Variants in IFT81 observed in about 807,000 individuals in gnomAD.
IFT81 encodes intraflagellar transport protein 81 homolog.
Under a neutral mutation model 102.6 loss-of-function variants are expected in IFT81, and 72 were observed. That is an observed-to-expected ratio of 0.70 (90% confidence interval 0.58 to 0.85). The LOEUF (loss-of-function observed/expected upper bound fraction) is 0.85, where lower values mean the gene tolerates loss of function less well. IFT81 is among the 40% of genes least tolerant of loss of function. IFT81 has a pLI of 0.00. For synonymous variants in IFT81, 237 were observed against 242.7 expected (o/e 0.98, Z 0.22); for missense variants, 723 against 787.3 (o/e 0.92, Z 0.98).
At chr12:110,125,978 A>T (rs1334758378) in intron 1 of IFT81, among the ~76,000 whole-genome samples, 1 of 152,162 alleles carries the variant, frequency 6.6e-6, no homozygotes, top group Non-Finnish European at 1.5e-5. Flanking sequence ...ATGCGTACCT[A>T]AAGAACTAGC....
chr12:110,135,263 A>C, intron 6 of IFT81, 64 bp from the exon 7 acceptor site: 1 of 1,001,578 alleles, frequency 1.0e-6, no homozygotes, highest in Non-Finnish European at 1.5e-6. Flanking sequence ...TCTGAGTCAC[A>C]TGACATGCTA....
chr12:110,165,802 A>G (rs1302855540), intron 11 of IFT81, among the ~76,000 whole-genome samples: 1 of 152,232 alleles, frequency 6.6e-6, no homozygotes, highest in Non-Finnish European at 1.5e-5. Flanking sequence ...CTCTATCTGT[A>G]AAATGGGGCT....
intron 1 of IFT81, among the ~76,000 whole-genome samples, chr12:110,126,242 C>T (rs1285715886): frequency 4.0e-5 from 6 of 148,298 alleles, no homozygotes; most frequent in Non-Finnish European, 7.4e-5. Context: ...CGCGCCACTG[C>T]ACTCCAGCCT....
At chr12:110,141,375 T>G (rs1406775880) in intron 8 of IFT81, among the ~76,000 whole-genome samples, 2 of 152,132 alleles carry the variant, frequency 1.3e-5, no homozygotes, top group African/African-American at 4.8e-5. Context: ...CTTCTCTTCC[T>G]TTCTCTAATC....
At chr12:110,187,498 C>T (rs567533921) in intron 12 of IFT81, among the ~76,000 whole-genome samples, 167 of 152,290 alleles carry the variant, frequency 1.1e-3, no homozygotes, top group Admixed American at 2.5e-3. Flanking sequence ...CTCCTGACTT[C>T]AAGTGATCTG....
At chr12:110,216,590 T>C (rs1260120267) in intron 18 of IFT81, 1 of 453,040 alleles carries the variant, frequency 2.2e-6, no homozygotes, top group African/African-American at 2.0e-5. Flanking sequence ...CAATCTTGGC[T>C]CACTCTGCCT....
chr12:110,156,340 T>C (rs1377014850), intron 10 of IFT81, among the ~76,000 whole-genome samples: 1 of 151,808 alleles, frequency 6.6e-6, no homozygotes, highest in Non-Finnish European at 1.5e-5. Flanking sequence ...TTCTTTCTTA[T>C]ACAGCTTTGA....
chr12:110,174,295 A>T lies in IFT81; in HGVS notation c.1189-6127A>T, dbSNP rs962511016. Among the ~76,000 whole-genome samples, 195 of 148,134 alleles carry T rather than the reference A, an allele frequency of 1.3e-3. 1 individual carries two copies. The highest frequency in any genetic ancestry group is 2.7e-3 in the African/African-American group (108 of 39,468). ...TCCGTCTCAAAAAAAAAAAAAAAAA[A>T]AAAAAAAAAAAATTAGCCGGGTGTG... On this transcript the variant is annotated intron_variant, in intron 11 of 18. Transcript: ENST00000242591.
chr12:110,210,923 C>T (rs1021247729), intron 18 of IFT81, among the ~76,000 whole-genome samples: 2 of 150,986 alleles, frequency 1.3e-5, no homozygotes, highest in African/African-American at 4.8e-5. Flanking sequence ...GGCACGATCT[C>T]GGCTCACTGC....
intron 14 of IFT81, among the ~76,000 whole-genome samples, chr12:110,197,966 C>G (rs1306133790): frequency 6.6e-6 from 1 of 152,206 alleles, no homozygotes; most frequent in African/African-American, 2.4e-5. Context: ...CCCGCCTCAG[C>G]CTCCCAAAGT....
chr12:110,183,596 T>C (rs1897397285), intron 12 of IFT81, among the ~76,000 whole-genome samples: 1 of 152,232 alleles, frequency 6.6e-6, no homozygotes, highest in African/African-American at 2.4e-5. Context: ...AATCATCCTT[T>C]CCACTTGGTT....
In IFT81 at chr12:110,166,385, C is replaced by T. The variant is rs148297947; in HGVS notation, c.1188+3320C>T. On this transcript the variant is annotated intron_variant, in intron 11 of 18. Coordinates refer to ENST00000242591, the MANE Select transcript of IFT81 (RefSeq NM_014055.4). ...TAAGATAGCATTAATGAGAATAATT[C>T]TAGCTGCCATTCTCTGAGCAGTTAC... Among the ~76,000 whole-genome samples the T allele has an allele frequency of 7.0e-3, 1,065 of 152,216 alleles. 1 individual carries two copies. Among genetic ancestry groups the T allele is most frequent in the Non-Finnish European group, 9.5e-3 (643 of 68,002 alleles).
At chr12:110,216,448 G>T in intron 18 of IFT81, 2 of 451,546 alleles carry the variant, frequency 4.4e-6, no homozygotes, top group Non-Finnish European at 8.8e-6. Context: ...TCCTGCCTTG[G>T]CCTCCCAAAG....
chr12:110,207,312 A>G (rs558666330), intron 17 of IFT81, among the ~76,000 whole-genome samples: 12 of 152,172 alleles, frequency 7.9e-5, no homozygotes, highest in African/African-American at 2.9e-4. Flanking sequence ...CACCCTCCTC[A>G]GCCTCCCAGA....
At chr12:110,161,550 C>T (rs750811083) in intron 10 of IFT81, among the ~76,000 whole-genome samples, 8 of 151,868 alleles carry the variant, frequency 5.3e-5, no homozygotes, top group Non-Finnish European at 1.0e-4. Context: ...CTGAAGTGAG[C>T]CTCCTATCTC....
intron 14 of IFT81, among the ~76,000 whole-genome samples, chr12:110,197,181 A>G (rs2137563230): frequency 1.3e-5 from 2 of 152,226 alleles, no homozygotes; most frequent in South Asian, 4.2e-4. Context: ...TGGGTGAAAG[A>G]GTAAGACCTG....
intron 12 of IFT81, among the ~76,000 whole-genome samples, chr12:110,188,422 T>C (rs1461566834): frequency 6.6e-6 from 1 of 151,782 alleles, no homozygotes; most frequent in Non-Finnish European, 1.5e-5. Context: ...ATCCTAAGAT[T>C]TGGTAATGCC....
intron 12 of IFT81, among the ~76,000 whole-genome samples, chr12:110,187,930 A>T (rs920981010): frequency 6.6e-6 from 1 of 152,138 alleles, no homozygotes; most frequent in African/African-American, 2.4e-5. Flanking sequence ...TTTTCAGCTG[A>T]TAATGTGAGG....
chr12:110,140,557 C>T (rs2137345529), intron 8 of IFT81, among the ~76,000 whole-genome samples: 1 of 152,150 alleles, frequency 6.6e-6, no homozygotes, highest in South Asian at 2.1e-4. Flanking sequence ...ACATTTTAGT[C>T]TTTGATTCCA....
Sources: gnomAD v4.1 joint callset for allele counts (sites outside exome capture counted in the v4.1 genomes callset) on GRCh38, gnomAD v4.1.1 for gene constraint, MANE v1.5 for transcripts, NCBI Gene and HGNC (gene_info 2026-07-23, HGNC 2026-07-21) for gene names.